The following APBB1IP variants were observed in gnomAD, a reference collection of about 807,000 sequenced individuals.
APBB1IP encodes the protein amyloid beta precursor protein binding family B member 1 interacting protein, also known as amyloid beta A4 precursor protein-binding family B member 1-interacting protein.
Under a neutral mutation model 64.9 loss-of-function variants are expected in APBB1IP, and 27 were observed. That is an observed-to-expected ratio of 0.42 (90% CI 0.31 to 0.57). The LOEUF (loss-of-function observed/expected upper bound fraction) is 0.57, where lower values mean the gene tolerates loss of function less well. Ranked by LOEUF, APBB1IP falls within the 20% of genes least tolerant of loss-of-function variation. The pLI, the probability that APBB1IP is intolerant of heterozygous loss-of-function variation, is 0.20. For missense variants in APBB1IP, 812 were observed against 845.5 expected, an observed-to-expected ratio of 0.96 and a Z score of 0.49; for synonymous variants, 392 against 331.0, an observed-to-expected ratio of 1.18 and a Z score of -2.00.
intron 2 of APBB1IP, among the ~76,000 whole-genome samples, chr10:26,446,159 A>G (rs1835396134): frequency 6.6e-6 from 1 of 152,264 alleles, no homozygotes; most frequent in Non-Finnish European, 1.5e-5. Flanking sequence ...TATTATCACA[A>G]TTAGGTTACT....
rs758903345 is a variant in APBB1IP, at chr10:26,562,440, C to T, written c.1473+11C>T. The T allele has an allele frequency of 1.9e-6, 3 of 1,606,500 alleles. No individual in the cohort carries two copies. The highest frequency in any genetic ancestry group is 2.6e-6 in the Non-Finnish European group (3 of 1,173,426). ...GCTGAAACATCGAAGGTAAAACCAGCAAGCAGCTGACCCCTATAAGCCATG... is the reference window on the plus strand; with the variant it reads ...GCTGAAACATCGAAGGTAAAACCAGTAAGCAGCTGACCCCTATAAGCCATG... On this transcript the variant is annotated intron_variant, in intron 14 of 14. Transcript: ENST00000376236.
At chr10:26,462,076 T>C (rs1207019968) in intron 2 of APBB1IP, among the ~76,000 whole-genome samples, 2 of 152,220 alleles carry the variant, frequency 1.3e-5, no homozygotes, top group East Asian at 1.9e-4. Flanking sequence ...TAATGTTTTA[T>C]TGGCACTAGC....
intron 2 of APBB1IP, among the ~76,000 whole-genome samples, chr10:26,472,478 A>G (rs987750904): frequency 1.3e-5 from 2 of 152,190 alleles, no homozygotes; most frequent in Admixed American, 6.5e-5. Flanking sequence ...ACACTCCTGC[A>G]CTGATAACCA....
intron 2 of APBB1IP, among the ~76,000 whole-genome samples, chr10:26,467,021 AT>A (rs1272706195): frequency 6.6e-6 from 1 of 151,834 alleles, no homozygotes; most frequent in African/African-American, 2.4e-5. Flanking sequence ...TTAACACCAG[AT>A]TTTTTTTCAT....
At chr10:26,447,643 T>C (rs1480196001) in intron 2 of APBB1IP, among the ~76,000 whole-genome samples, 5 of 152,126 alleles carry the variant, frequency 3.3e-5, no homozygotes, top group Non-Finnish European at 5.9e-5. Flanking sequence ...AGCAGAGCTG[T>C]CCAGTAGAAC....
intron 5 of APBB1IP, chr10:26,501,393 G>A (rs1588589618): frequency 1.9e-6 from 1 of 538,522 alleles, no homozygotes; most frequent in Non-Finnish European, 3.3e-6. Flanking sequence ...TCTTTTGGGG[G>A]AAATGTTTTA....
intron 11 of APBB1IP, among the ~76,000 whole-genome samples, chr10:26,553,187 AATTTTTGT>A (rs1223833115): frequency 6.7e-6 from 1 of 149,456 alleles, no homozygotes; most frequent in Non-Finnish European, 1.5e-5. Context: ...ACACCCAGCA[AATTTTTGT>A]ATTTTTAGTA....
intron 2 of APBB1IP, among the ~76,000 whole-genome samples, chr10:26,463,726 G>A (rs1835618634): frequency 6.6e-6 from 1 of 152,192 alleles, no homozygotes; most frequent in Non-Finnish European, 1.5e-5. Context: ...ATGGCCCATA[G>A]CATTTTTAAA....
rs750683821 is a variant in APBB1IP, at chr10:26,446,895, G to GAGAGATAGATAGAA, written c.-1+8043_-1+8044insGAGATAGATAGAAA. 1.4e-3 allele frequency among the ~76,000 whole-genome samples: 131 copies of GAGAGATAGATAGAA among 93,940 alleles called. 1 individual carries two copies. Among genetic ancestry groups the GAGAGATAGATAGAA allele is most frequent in the Admixed American group, 5.2e-3 (47 of 9,056 alleles). The allele number at this position is 93,940 out of a possible 152,430, so 61.6% of individuals were successfully genotyped here. On this transcript the variant is annotated intron_variant, in intron 2 of 14. Coordinates refer to ENST00000376236, the MANE Select transcript of APBB1IP (RefSeq NM_019043.4). ...ATAGAGAGAGAGATAGATAGAAATA[G>GAGAGATAGATAGAA]ATAGATATGGTCCCTACCCTCAAGA...
intron 2 of APBB1IP, among the ~76,000 whole-genome samples, chr10:26,448,574 A>G (rs1287682614): frequency 6.6e-6 from 1 of 152,190 alleles, no homozygotes; most frequent in African/African-American, 2.4e-5. Flanking sequence ...TGAATTCTAA[A>G]GTATTCAGAA....
intron 5 of APBB1IP, among the ~76,000 whole-genome samples, chr10:26,502,605 G>C (rs1836119419): frequency 6.6e-6 from 1 of 150,574 alleles, no homozygotes; most frequent in Non-Finnish European, 1.5e-5. Flanking sequence ...TCACACTACT[G>C]CACTCCAGCC....
At chr10:26,459,315 A>T (rs1473985404) in intron 2 of APBB1IP, among the ~76,000 whole-genome samples, 1 of 151,986 alleles carries the variant, frequency 6.6e-6, no homozygotes, top group Non-Finnish European at 1.5e-5. Context: ...TATATGTGCC[A>T]CATTTTCTTA....
At chr10:26,536,265 G>A (rs749250260) in intron 10 of APBB1IP, 48 bp downstream of exon 10, 2 of 1,521,728 alleles carry the variant, frequency 1.3e-6, no homozygotes, top group South Asian at 2.6e-5. Flanking sequence ...CATTTCATGA[G>A]AATGAAACTA....
chr10:26,531,538 G>C (rs897600030), intron 8 of APBB1IP, among the ~76,000 whole-genome samples: 20 of 151,652 alleles, frequency 1.3e-4, no homozygotes, highest in Admixed American at 7.9e-4. Flanking sequence ...GCGATGGCGG[G>C]CGCCTGTAGT....
At position 26,524,974 on chromosome 10, in the gene APBB1IP, T is replaced by TTTTTTTTTTTTTTTTTTTTTTTTTTTA. The variant is rs1554778195; in HGVS notation, c.814-8465_814-8464insTTTTTTTTTTTTTTTTTTTTTTTTTTA. The stretch of plus-strand genomic sequence containing the variant: ...TTCTTTCTTTTTTTTTTTTTTTTTT[T>TTTTTTTTTTTTTTTTTTTTTTTTTTTA]ATAAAAAAAGGAATCCTGGCAAGAG... On this transcript the variant is annotated intron_variant, in intron 8 of 14. Transcript: ENST00000376236. 1.2e-4 allele frequency among the ~76,000 whole-genome samples: 15 copies of TTTTTTTTTTTTTTTTTTTTTTTTTTTA among 126,762 alleles called. 1 individual carries two copies. The highest frequency in any genetic ancestry group is 2.9e-4 in the East Asian group (1 of 3,416). The allele number at this position is 126,762 out of a possible 152,430, so 83.2% of individuals were successfully genotyped here. A position where few individuals can be genotyped will look rare whatever the true frequency, so the allele number is the denominator to read the frequency against.
intron 6 of APBB1IP, among the ~76,000 whole-genome samples, chr10:26,511,021 C>T (rs535235457): frequency 6.6e-6 from 1 of 152,036 alleles, no homozygotes; most frequent in East Asian, 1.9e-4. Flanking sequence ...TCAACTCCAG[C>T]TAAGCAAAAG....
intron 3 of APBB1IP, among the ~76,000 whole-genome samples, chr10:26,493,828 C>A (rs1048985182): frequency 2.0e-5 from 3 of 152,092 alleles, no homozygotes; most frequent in African/African-American, 4.8e-5. Context: ...AAAGTATTAT[C>A]TTTGTTTGAT....
At chr10:26,477,951 A>T (rs1423122216) in intron 2 of APBB1IP, among the ~76,000 whole-genome samples, 1 of 152,204 alleles carries the variant, frequency 6.6e-6, no homozygotes, top group East Asian at 1.9e-4. Context: ...TAGTTTTTTA[A>T]ATTTATCCAT....
chr10:26,473,481 A>G (rs1264803239), intron 2 of APBB1IP, among the ~76,000 whole-genome samples: 1 of 152,236 alleles, frequency 6.6e-6, no homozygotes, highest in Non-Finnish European at 1.5e-5. Flanking sequence ...TCTTTTTGAA[A>G]GCTTTTAAAA....
Sources: allele counts gnomAD v4.1 joint callset (sites outside exome capture counted in the v4.1 genomes callset), GRCh38; gene constraint gnomAD v4.1.1; transcripts MANE v1.5; gene names NCBI Gene and HGNC (gene_info 2026-07-23, HGNC 2026-07-21).